The following ZNF536 variants were observed in gnomAD, a reference collection of about 807,000 sequenced individuals.
The protein encoded by ZNF536 is zinc finger protein 536.
ZNF536 carries 13 observed loss-of-function variants against 84.5 expected under a neutral mutation model. The observed-to-expected ratio is 0.15, with a 90% confidence interval of 0.10 to 0.24. The LOEUF (loss-of-function observed/expected upper bound fraction) is 0.24, where lower values mean the gene tolerates loss of function less well. Among genes scored for constraint, ZNF536 ranks in the 10% least tolerant of loss-of-function variants. ZNF536 has a pLI of 1.00. For missense variants in ZNF536, 1,536 were observed against 1,747.5 expected (o/e 0.88, Z 2.16); for synonymous variants, 811 against 742.5 (o/e 1.09, Z -1.50).
intron 2 of ZNF536, among the ~76,000 whole-genome samples, chr19:30,475,321 C>A: frequency 6.6e-6 from 1 of 152,076 alleles, no homozygotes; most frequent in East Asian, 1.9e-4. Context: ...TGTAACATAG[C>A]CACTGGTCAT....
chr19:30,465,307 TG>T (rs2053335761), intron 2 of ZNF536, among the ~76,000 whole-genome samples: 1 of 152,184 alleles, frequency 6.6e-6, no homozygotes, highest in South Asian at 2.1e-4. Context: ...CCACTTCCTC[TG>T]GGAGGCCTTT....
chr19:30,380,430 C>A (rs1456343945), intron 1 of ZNF536, among the ~76,000 whole-genome samples: 4 of 152,148 alleles, frequency 2.6e-5, no homozygotes, highest in African/African-American at 9.7e-5. Flanking sequence ...GGCCCACGAG[C>A]ACCCCCGGAG....
At chr19:30,421,142 G>A (rs1319600606) in intron 1 of ZNF536, among the ~76,000 whole-genome samples, 1 of 152,182 alleles carries the variant, frequency 6.6e-6, no homozygotes, top group Non-Finnish European at 1.5e-5. Flanking sequence ...GGCAGTGAAG[G>A]TCAGGGATAG....
intron 2 of ZNF536, among the ~76,000 whole-genome samples, chr19:30,508,382 C>A (rs1311785140): frequency 6.6e-6 from 1 of 152,228 alleles, no homozygotes; most frequent in Admixed American, 6.5e-5. Context: ...GAGGACCTTT[C>A]TTCTGGTCAC....
chr19:30,347,520 TC>T (rs2047785817), intron 2 of ZNF536, among the ~76,000 whole-genome samples: 1 of 152,180 alleles, frequency 6.6e-6, no homozygotes, highest in Admixed American at 6.5e-5. Context: ...TGAGCCAAGC[TC>T]TTTCATTTAT....
intron 1 of ZNF536, among the ~76,000 whole-genome samples, chr19:30,391,924 A>G (rs764525664): frequency 1.3e-5 from 2 of 152,146 alleles, no homozygotes; most frequent in Non-Finnish European, 2.9e-5. Context: ...AATTTAGCTA[A>G]TGCAGTACGT....
chr19:30,287,579 T>C (rs1219095402), intron 2 of ZNF536, among the ~76,000 whole-genome samples: 3 of 142,792 alleles, frequency 2.1e-5, no homozygotes, highest in African/African-American at 7.9e-5. Context: ...TATGGATGGA[T>C]GGATGGATGG....
chr19:30,229,571 T>TTG (rs1555770100), intron 1 of ZNF536, among the ~76,000 whole-genome samples: 2 of 151,378 alleles, frequency 1.3e-5, no homozygotes, highest in African/African-American at 4.9e-5. Flanking sequence ...CTGCGGGTGG[T>TTG]GGGGGGGGCT....
intron 2 of ZNF536, among the ~76,000 whole-genome samples, chr19:30,506,849 A>C (rs375910582): frequency 2.6e-5 from 4 of 152,356 alleles, no homozygotes; most frequent in East Asian, 3.9e-4. Flanking sequence ...GTATAAGCCA[A>C]AGATCCATGT....
chr19:30,252,753 A>C (rs1020981735), intron 1 of ZNF536, among the ~76,000 whole-genome samples: 1 of 152,228 alleles, frequency 6.6e-6, no homozygotes. Context: ...TCTAATTCTC[A>C]GTAGATTGAT....
chr19:30,261,320 A>AAAG (rs1315514790), intron 1 of ZNF536, among the ~76,000 whole-genome samples: 16 of 150,602 alleles, frequency 1.1e-4, no homozygotes, highest in African/African-American at 3.9e-4. Flanking sequence ...AAAAAAAAAA[A>AAAG]AAGAAAAATA....
intron 1 of ZNF536, among the ~76,000 whole-genome samples, chr19:30,230,582 C>T (rs1320666710): frequency 2.6e-5 from 4 of 152,164 alleles, no homozygotes; most frequent in African/African-American, 9.7e-5. Context: ...GCCAATAACC[C>T]CCATTATGGG....
At chr19:30,342,251 A>G (rs2047587124) in intron 2 of ZNF536, among the ~76,000 whole-genome samples, 1 of 152,214 alleles carries the variant, frequency 6.6e-6, no homozygotes, top group Non-Finnish European at 1.5e-5. Context: ...TTCGACACAC[A>G]GTGTTTGATT....
intron 1 of ZNF536, among the ~76,000 whole-genome samples, chr19:30,671,047 C>T (rs548534104): frequency 4.3e-4 from 65 of 152,222 alleles, no homozygotes; most frequent in African/African-American, 1.4e-3. Context: ...TTCATTTTCC[C>T]GTTCACTCAA....
At chr19:30,676,671 A>G (rs1469428675) in intron 1 of ZNF536, among the ~76,000 whole-genome samples, 2 of 152,240 alleles carry the variant, frequency 1.3e-5, no homozygotes, top group African/African-American at 4.8e-5. Flanking sequence ...CCAATTTAGA[A>G]ACAGTACAAA....
intron 2 of ZNF536, among the ~76,000 whole-genome samples, chr19:30,309,408 T>C (rs183206990): frequency 6.6e-6 from 1 of 152,362 alleles, no homozygotes; most frequent in African/African-American, 2.4e-5. Context: ...GTCTGGTTAT[T>C]GGACGTTGCC....
rs1369505835 is a variant in ZNF536, at chr19:30,439,955, C to CTTTTTTTT, written c.-2-3603_-2-3602insTTTTTTTT. On this transcript the variant is annotated intron_variant, in intron 1 of 4. Coordinates refer to ENST00000355537, the MANE Select transcript of ZNF536 (RefSeq NM_014717.3). ...TTCTTTCTTTCTTTTCTTTTTCTTT[C>CTTTTTTTT]TTTCTTTTTTTTTTTTTTTTTTTTT... 9.1e-4 allele frequency among the ~76,000 whole-genome samples: 121 copies of CTTTTTTTT among 133,018 alleles called. 3 individuals are homozygous for CTTTTTTTT. The highest frequency in any genetic ancestry group is 8.0e-3 in the East Asian group (32 of 4,024). The allele number at this position is 133,018 out of a possible 152,430, so 87.3% of individuals were successfully genotyped here. A position where few individuals can be genotyped will look rare whatever the true frequency, so the allele number is the denominator to read the frequency against.
Position 30,528,970 on chromosome 19 carries a change from G to C in ZNF536, c.2171-5877G>C, listed in dbSNP as rs147680923. 5.9e-4 allele frequency among the ~76,000 whole-genome samples: 90 copies of C among 151,780 alleles called. 1 individual carries two copies. Among genetic ancestry groups the C allele is most frequent in the African/African-American group, 2.1e-3 (87 of 41,384 alleles). On this transcript the variant is annotated intron_variant, in intron 2 of 4. Coordinates refer to ENST00000355537, the MANE Select transcript of ZNF536 (RefSeq NM_014717.3). Reference sequence around the variant, plus strand: ...GGCAGAGACAGCCTGGGATAGGCTTGGAGCTCTTTCAGCATGGCGGGACCC... The same window carrying C: ...GGCAGAGACAGCCTGGGATAGGCTTCGAGCTCTTTCAGCATGGCGGGACCC...
rs2146218361 is a variant in ZNF536 at position 30,548,792 on chromosome 19, A to T, written c.3173A>T (p.Gln1058Leu). 6.2e-7 allele frequency: 1 copy of T among 1,613,902 alleles called. No individual in the cohort carries two copies. Among genetic ancestry groups the T allele is most frequent in the Non-Finnish European group, 8.5e-7 (1 of 1,180,008 alleles). ...AAGATGGCCCTGCTGCCCTCGTTAC[A>T]ATCAAACAAAGACCTGGGCCTCTCC... ...ASKMALLPSL[Q>L]SNKDLGLSNM... is the part of the protein sequence containing the mutation. The change falls in exon 4 of 5, where the codon CAA becomes CTA. Residue 1058 changes from glutamine to leucine, a missense_variant. Gln to Leu is a moderately radical substitution (Grantham distance 113, BLOSUM62 -2). This residue lies in a region of ZNF536 where 624 missense variants were observed against 603.1 expected (regional missense o/e 1.03). Transcript: ENST00000355537.
Sources: allele counts gnomAD v4.1 joint callset (sites outside exome capture counted in the v4.1 genomes callset), GRCh38; gene constraint gnomAD v4.1.1; regional missense constraint gnomAD v4.1.1; transcripts MANE v1.5; gene names NCBI Gene and HGNC (gene_info 2026-07-23, HGNC 2026-07-21).